Variants in TPD52 observed in about 807,000 individuals in gnomAD.
TPD52 encodes tumor protein D52.
TPD52 carries 17 observed loss-of-function variants against 31.3 expected under a neutral mutation model. The observed-to-expected ratio is 0.54, with a 90% CI of 0.37 to 0.82. The LOEUF is 0.82. Among genes scored for constraint, TPD52 ranks in the 40% least tolerant of loss-of-function variants. The pLI, the probability that TPD52 is intolerant of heterozygous loss-of-function variation, is 0.00. For missense variants in TPD52, 212 were observed against 240.1 expected, an observed-to-expected ratio of 0.88 and a Z score of 0.77; for synonymous variants, 83 against 89.6, an observed-to-expected ratio of 0.93 and a Z score of 0.42.
chr8:80,043,849 G>A (rs1321578591), intron 6 of TPD52, among the ~76,000 whole-genome samples: 1 of 152,250 alleles, frequency 6.6e-6, no homozygotes, highest in African/African-American at 2.4e-5. Flanking sequence ...TAAAGCGAAT[G>A]CAGACAGAGG....
intron 1 of TPD52, chr8:80,127,790 AC>A (rs1784554726): frequency 1.6e-4 from 1 of 6,092 alleles, no homozygotes; most frequent in South Asian, 6.8e-3. Flanking sequence ...CTAAATAAAC[AC>A]ACACACACAC....
chr8:80,155,832 A>AAG (rs1810928386), intron 1 of TPD52, among the ~76,000 whole-genome samples: 2 of 151,912 alleles, frequency 1.3e-5, no homozygotes, highest in Non-Finnish European at 2.9e-5. Flanking sequence ...GCAGTGAGCC[A>AAG]AGATTGTGCC....
intron 1 of TPD52, among the ~76,000 whole-genome samples, chr8:80,144,992 A>AT (rs1810094556): frequency 6.6e-6 from 1 of 152,116 alleles, no homozygotes; most frequent in South Asian, 2.1e-4. Context: ...TCTGTGGGTT[A>AT]TTTTTTAATT....
At chr8:80,171,366 GC>G (rs2131300341) in intron 1 of TPD52, 58 bp downstream of exon 1, 1 of 583,894 alleles carries the variant, frequency 1.7e-6, no homozygotes, top group Non-Finnish European at 2.1e-6. Flanking sequence ...CCGAGCCAAA[GC>G]CCGAGTCCAA....
At chr8:80,131,902 CAGA>C (rs1349154219) in intron 1 of TPD52, among the ~76,000 whole-genome samples, 1 of 151,812 alleles carries the variant, frequency 6.6e-6, no homozygotes, top group Non-Finnish European at 1.5e-5. Flanking sequence ...GCTGTCAAGT[CAGA>C]AGAACTAGGG....
At chr8:80,148,459 G>A (rs1810358007) in intron 1 of TPD52, among the ~76,000 whole-genome samples, 1 of 152,036 alleles carries the variant, frequency 6.6e-6, no homozygotes, top group Non-Finnish European at 1.5e-5. Flanking sequence ...CACCACACCT[G>A]GCCCTAAATT....
intron 1 of TPD52, among the ~76,000 whole-genome samples, chr8:80,100,317 TTCTTAC>T (rs1806641362): frequency 6.6e-6 from 1 of 152,182 alleles, no homozygotes; most frequent in Admixed American, 6.5e-5. Flanking sequence ...CTCTGGCAAT[TTCTTAC>T]TCTTAAACAA....
intron 1 of TPD52, among the ~76,000 whole-genome samples, chr8:80,101,664 C>T (rs554594417): frequency 8.5e-4 from 130 of 152,166 alleles, no homozygotes; most frequent in Non-Finnish European, 1.6e-3. Context: ...GAAGGGAAGG[C>T]AGGCGCATCA....
At chr8:80,086,744 C>T (rs1034769302) in intron 1 of TPD52, among the ~76,000 whole-genome samples, 2 of 151,554 alleles carry the variant, frequency 1.3e-5, no homozygotes, top group Non-Finnish European at 2.9e-5. Flanking sequence ...TGGGGGGGCA[C>T]GTGCCTGCAG....
At chr8:80,064,129 A>C (rs1372008618) in intron 2 of TPD52, among the ~76,000 whole-genome samples, 2 of 152,092 alleles carry the variant, frequency 1.3e-5, no homozygotes, top group Non-Finnish European at 2.9e-5. Flanking sequence ...CCATCTCTGC[A>C]ACACAGCCAA....
intron 1 of TPD52, among the ~76,000 whole-genome samples, chr8:80,164,845 T>TGCACTCCA (rs951448028): frequency 6.3e-5 from 8 of 126,674 alleles, no homozygotes; most frequent in East Asian, 2.6e-4. Flanking sequence ...ATCATGCCAC[T>TGCACTCCA]GCACTCCAGC....
chr8:80,061,579 G>A (rs894160170), intron 2 of TPD52, among the ~76,000 whole-genome samples: 40 of 151,954 alleles, frequency 2.6e-4, no homozygotes, highest in Non-Finnish European at 8.8e-5. Flanking sequence ...TAGCTACTCA[G>A]GAGGCTGAGG....
intron 1 of TPD52, among the ~76,000 whole-genome samples, chr8:80,073,274 A>G (rs1284921836): frequency 6.6e-6 from 1 of 152,228 alleles, no homozygotes; most frequent in Non-Finnish European, 1.5e-5. Context: ...CAGTGACATC[A>G]ATTATATTCA....
chr8:80,053,087 T>C, intron 3 of TPD52, 195 bp downstream of exon 3: 1 of 497,520 alleles, frequency 2.0e-6, no homozygotes. Context: ...TTCTATTCCT[T>C]AGAATAAGTG....
intron 1 of TPD52, among the ~76,000 whole-genome samples, chr8:80,089,170 G>A (rs1336703095): frequency 6.6e-6 from 1 of 152,200 alleles, no homozygotes; most frequent in African/African-American, 2.4e-5. Context: ...AAAGGCATGT[G>A]CCCTGCATGG....
intron 1 of TPD52, among the ~76,000 whole-genome samples, chr8:80,119,073 A>ATT (rs1388871114): frequency 1.3e-5 from 2 of 152,258 alleles, no homozygotes; most frequent in Admixed American, 6.5e-5. Context: ...ACAAGGGAAT[A>ATT]TTATTCAGCA....
chr8:80,166,479 G>A (rs1183168416), intron 1 of TPD52, among the ~76,000 whole-genome samples: 6 of 151,504 alleles, frequency 4.0e-5, no homozygotes, highest in Non-Finnish European at 8.8e-5. Flanking sequence ...TGATCCGCCC[G>A]CCTTGGCCTC....
chr8:80,038,312 T>A (rs978953907), intron 7 of TPD52, 77 bp from the exon 8 acceptor site: 2 of 1,501,726 alleles, frequency 1.3e-6, no homozygotes, highest in Admixed American at 1.8e-5. Context: ...TAACTCTAAT[T>A]CACTTTCAAG....
intron 1 of TPD52, among the ~76,000 whole-genome samples, chr8:80,118,254 C>G (rs905957922): frequency 1.3e-5 from 2 of 152,126 alleles, no homozygotes; most frequent in Admixed American, 6.6e-5. Flanking sequence ...TGGATAGCCA[C>G]ATGCAAAAGA....
Sources: allele counts gnomAD v4.1 joint callset (sites outside exome capture counted in the v4.1 genomes callset), GRCh38; gene constraint gnomAD v4.1.1; transcripts MANE v1.5; gene names NCBI Gene and HGNC (gene_info 2026-07-23, HGNC 2026-07-21).